The following TRPV1 variants were observed in gnomAD, a reference collection of about 807,000 sequenced individuals.
TRPV1 encodes OTRPC1.
Under a neutral mutation model 82.3 loss-of-function variants are expected in TRPV1, and 82 were observed. That is an observed-to-expected ratio of 1.00 (90% CI 0.83 to 1.20). The LOEUF (loss-of-function observed/expected upper bound fraction) is 1.20, where lower values mean the gene tolerates loss of function less well. Among genes scored for constraint, TRPV1 ranks in the 50% most tolerant of loss-of-function variants. TRPV1 has a pLI of 0.00. For synonymous variants in TRPV1, 515 were observed against 467.7 expected, an observed-to-expected ratio of 1.10 and a Z score of -1.30; for missense variants, 1,067 against 1,096.8, an observed-to-expected ratio of 0.97 and a Z score of 0.38.
intron 7 of TRPV1, chr17:3,588,851 C>G: frequency 7.0e-7 from 1 of 1,422,640 alleles, no homozygotes; most frequent in Non-Finnish European, 9.5e-7. Context: ...AAACGTCAAC[C>G]AGCCAGCTGC....
chr17:3,605,690 G>C (rs113117844), intron 2 of TRPV1, among the ~76,000 whole-genome samples: 1 of 152,148 alleles, frequency 6.6e-6, no homozygotes, highest in Non-Finnish European at 1.5e-5. Context: ...GCATAGAGGT[G>C]CTGTCATTGT....
chr17:3,571,721 G>A, intron 15 of TRPV1, 82 bp from the exon 16 acceptor site: 1 of 1,166,110 alleles, frequency 8.6e-7, no homozygotes, highest in Non-Finnish European at 1.2e-6. Context: ...CCAAGCCCAA[G>A]AAACCCACCC....
intron 16 of TRPV1, among the ~76,000 whole-genome samples, chr17:3,569,590 G>A (rs1419697071): frequency 2.0e-5 from 3 of 152,228 alleles, no homozygotes; most frequent in Non-Finnish European, 4.4e-5. Flanking sequence ...AGTTAAAGAA[G>A]AAGAAATCAA....
At chr17:3,604,178 AGAAG>A (rs1366665986) in intron 2 of TRPV1, among the ~76,000 whole-genome samples, 5 of 152,250 alleles carry the variant, frequency 3.3e-5, no homozygotes, top group Non-Finnish European at 7.3e-5. Flanking sequence ...TTGGACAAGG[AGAAG>A]GATTCTGCCC....
intron 2 of TRPV1, among the ~76,000 whole-genome samples, chr17:3,597,820 C>T (rs1384471820): frequency 2.0e-5 from 3 of 152,082 alleles, no homozygotes; most frequent in Non-Finnish European, 4.4e-5. Flanking sequence ...ATTGCAGGCA[C>T]CTGCCATTGC....
chr17:3,589,987 C>A lies in TRPV1; in HGVS notation c.864G>T (p.Val288=). 6.4e-7 allele frequency: 1 copy of A among 1,560,536 alleles called. No individual in the cohort carries two copies. Among genetic ancestry groups the A allele is most frequent in the Non-Finnish European group, 8.7e-7 (1 of 1,152,838 alleles). Residue 288 remains valine (V), a synonymous_variant, in exon 7 of 17, where the codon GTG becomes GTT. Coordinates refer to ENST00000572705, the MANE Select transcript of TRPV1 (RefSeq NM_080704.4). ...ISARDSVGNT[V]LHALVEVADN... Reference sequence around the variant, plus strand: ...CGGCCACCTCCACCAGGGCGTGCAGCACCGTGTTGCCCACCGAGTCCCTGG... The same window carrying A: ...CGGCCACCTCCACCAGGGCGTGCAGAACCGTGTTGCCCACCGAGTCCCTGG...
chr17:3,580,318 T>C (rs2150835704), intron 11 of TRPV1, 139 bp downstream of exon 11: 1 of 851,882 alleles, frequency 1.2e-6, no homozygotes, highest in East Asian at 2.5e-5. Context: ...CGAGTATGTA[T>C]TCAGTGCCTT....
chr17:3,580,755 G>A (rs978821296), intron 10 of TRPV1, among the ~76,000 whole-genome samples: 3 of 152,318 alleles, frequency 2.0e-5, no homozygotes, highest in East Asian at 1.9e-4. Flanking sequence ...GGTGGCTCAC[G>A]CCTGTCATCC....
chr17:3,575,397 T>A (rs1357978855), intron 13 of TRPV1, among the ~76,000 whole-genome samples: 2 of 151,752 alleles, frequency 1.3e-5, no homozygotes, highest in Non-Finnish European at 2.9e-5. Flanking sequence ...GCAGGAGAAT[T>A]GCTTGAACCT....
chr17:3,585,732 C>A, intron 9 of TRPV1, 36 bp downstream of exon 9: 1 of 1,598,524 alleles, frequency 6.3e-7, no homozygotes, highest in Non-Finnish European at 8.5e-7. Context: ...CCACCACCCA[C>A]ACCCTCGCCC....
rs371035432 is a variant in TRPV1 at position 3,591,324 on chromosome 17, C to G, written c.314G>C (p.Ser105Thr). The G allele has an allele frequency of 1.3e-6, 2 of 1,595,388 alleles. No homozygotes were observed. Among genetic ancestry groups the G allele is most frequent in the African/African-American group, 2.7e-5 (2 of 73,526 alleles). The part of the protein sequence containing the change: ...RLLSQDSVAA[S>T]TEKTLRLYDR... Reference sequence around the variant, plus strand: ...ATAGAGCCTGAGGGTCTTCTCGGTGCTGGCGGCGACAGAGTCCTGGGACAG... The same window carrying G: ...ATAGAGCCTGAGGGTCTTCTCGGTGGTGGCGGCGACAGAGTCCTGGGACAG... The change falls in exon 4 of 17, where the codon AGC becomes ACC. Residue 105 changes from serine (S) to threonine (T), a missense_variant. By Grantham distance (58) the Ser-to-Thr change is moderately conservative. Coordinates refer to ENST00000572705, the MANE Select transcript of TRPV1 (RefSeq NM_080704.4).
intron 16 of TRPV1, among the ~76,000 whole-genome samples, chr17:3,570,433 G>A (rs2074837552): frequency 6.6e-6 from 1 of 151,542 alleles, no homozygotes; most frequent in Non-Finnish European, 1.5e-5. Context: ...TAATGTAAAT[G>A]TACTTAATGA....
At chr17:3,577,945 C>A (rs2074956723) in intron 11 of TRPV1, 182 bp from the exon 12 acceptor site, 2 of 591,822 alleles carry the variant, frequency 3.4e-6, no homozygotes, top group Admixed American at 3.0e-5. Context: ...CCCCAAGGAG[C>A]AGAAATTGGC....
rs762422846 is a variant in TRPV1, at chr17:3,591,331, CGACAGAGTCCTGG to C, written c.294_306del (p.Gln99ProfsTer58). 7.5e-6 allele frequency: 12 copies of C among 1,591,590 alleles called. No individual in the cohort carries two copies. The Admixed American group carries it at 2.2e-4, about 29-fold the overall frequency. On this transcript the variant is annotated frameshift_variant, in exon 4 of 17. Coordinates refer to ENST00000572705, the MANE Select transcript of TRPV1 (RefSeq NM_080704.4). LOFTEE classifies it high-confidence loss of function. ...CTGAGGGTCTTCTCGGTGCTGGCGG[CGACAGAGTCCTGG>C]GACAGCAGCCTGTGGGCCAGAAAAC...
chr17:3,576,664 A>T (rs1302488470), intron 13 of TRPV1, among the ~76,000 whole-genome samples: 2 of 36,924 alleles, frequency 5.4e-5, no homozygotes, highest in East Asian at 2.3e-3. Flanking sequence ...AAAAAAAAAA[A>T]AAAAATATAT....
intron 10 of TRPV1, among the ~76,000 whole-genome samples, chr17:3,581,502 C>T (rs1223179770): frequency 2.0e-5 from 3 of 151,316 alleles, no homozygotes; most frequent in Non-Finnish European, 4.4e-5. Flanking sequence ...TCTGTGAAGA[C>T]GAAGTTCAAT....
Position 3,589,922 on chromosome 17 carries a change from T to C in TRPV1, c.929A>G (p.Tyr310Cys), listed in dbSNP as rs770555144. ...ADNTKFVTSM[Y>C]NEILMLGAKL... ...GGCCCCCAGCATCAGAATCTCATTG[T>C]ACATGCTCGTCACAAACTTCGTGTT... Residue 310 changes from tyrosine (Y) to cysteine (C), a missense_variant, in exon 7 of 17, where the codon TAC becomes TGC. Physicochemically the swap from Tyr to Cys is radical, Grantham distance 194. Transcript: ENST00000572705. 4 of 1,586,912 alleles carry C rather than the reference T, an allele frequency of 2.5e-6. No homozygotes were observed. In the East Asian group the frequency reaches 9.3e-5, roughly 37 times the overall value.
chr17:3,578,331 TAAAC>T (rs56751525), intron 11 of TRPV1: 91,988 of 137,936 alleles, frequency 0.67, 29,544 homozygotes, highest in Non-Finnish European at 0.76. Context: ...AACAAATAAA[TAAAC>T]AAATAAATAA....
At chr17:3,590,784 A>T (rs1377122632) in intron 5 of TRPV1, among the ~76,000 whole-genome samples, 180 bp downstream of exon 5, 1 of 152,072 alleles carries the variant, frequency 6.6e-6, no homozygotes, top group Non-Finnish European at 1.5e-5. Flanking sequence ...CCCCAGGACC[A>T]GGAGAAATCA....
Sources: allele counts gnomAD v4.1 joint callset (sites outside exome capture counted in the v4.1 genomes callset), GRCh38; gene constraint gnomAD v4.1.1; transcripts MANE v1.5; gene names NCBI Gene and HGNC (gene_info 2026-07-23, HGNC 2026-07-21).